SULT4A1: variants seen among roughly 807,000 people sequenced by gnomAD.
The protein encoded by SULT4A1 is sulfotransferase 4A1.
SULT4A1 carries 11 observed loss-of-function variants against 35.2 expected under a neutral mutation model. That is an observed-to-expected ratio of 0.31 (90% confidence interval 0.20 to 0.52). SULT4A1 has a LOEUF of 0.52. SULT4A1 is among the 20% of genes least tolerant of loss of function. SULT4A1 has a pLI of 0.97. For synonymous variants in SULT4A1, 152 were observed against 151.8 expected (o/e 1.00, Z -0.01); for missense variants, 271 against 383.7 (o/e 0.71, Z 2.45).
At chr22:43,826,907 A>C in intron 6 of SULT4A1, 4 of 985,430 alleles carry the variant, frequency 4.1e-6, no homozygotes, top group Non-Finnish European at 4.8e-6. Context: ...GGCAGCCACA[A>C]GGGAGGGCTG....
intron 4 of SULT4A1, among the ~76,000 whole-genome samples, chr22:43,834,297 CCCGCGCCCCCA>C (rs1266661180): frequency 6.7e-6 from 1 of 150,150 alleles, no homozygotes; most frequent in Non-Finnish European, 1.5e-5. Context: ...CCCTGTGCTT[CCCGCGCCCCCA>C]CCGCGTCCCT....
chr22:43,857,920 C>T (rs778921410), intron 1 of SULT4A1, among the ~76,000 whole-genome samples: 9 of 151,720 alleles, frequency 5.9e-5, no homozygotes, highest in Non-Finnish European at 1.2e-4. Flanking sequence ...TGTGGTGGCG[C>T]ACACCTGCAG....
At chr22:43,838,622 A>C (rs1219555625) in intron 4 of SULT4A1, among the ~76,000 whole-genome samples, 1 of 152,228 alleles carries the variant, frequency 6.6e-6, no homozygotes, top group African/African-American at 2.4e-5. Flanking sequence ...ACACCCCGAC[A>C]GTGTGGTAGA....
At chr22:43,842,081 G>T (rs188463782) in intron 1 of SULT4A1, 149 bp from the exon 2 acceptor site, 1 of 1,285,184 alleles carries the variant, frequency 7.8e-7, no homozygotes, top group Non-Finnish European at 1.0e-6. Context: ...AGCGCGCCCC[G>T]CACGGTCTCA....
chr22:43,847,912 G>T (rs111456104), intron 1 of SULT4A1, among the ~76,000 whole-genome samples: 1 of 152,210 alleles, frequency 6.6e-6, no homozygotes, highest in Non-Finnish European at 1.5e-5. Context: ...CAAAAGAAAC[G>T]TATTCTCTCA....
intron 6 of SULT4A1, chr22:43,827,064 C>A: frequency 1.0e-6 from 1 of 985,492 alleles, no homozygotes; most frequent in Non-Finnish European, 1.2e-6. Flanking sequence ...CCAATAGCAA[C>A]GGTGACCGTG....
intron 1 of SULT4A1, among the ~76,000 whole-genome samples, chr22:43,856,132 G>A (rs888155544): frequency 5.9e-5 from 9 of 152,188 alleles, no homozygotes; most frequent in African/African-American, 2.2e-4. Context: ...AGCATGCTTT[G>A]GAGAGAGCCT....
intron 6 of SULT4A1, chr22:43,827,755 C>CCACACA (rs3223292): frequency 0.16 from 53,710 of 326,610 alleles, 4,819 homozygotes; most frequent in African/African-American, 0.35. Context: ...CGCTGCTTCA[C>CCACACA]CACACACACA....
At chr22:43,849,617 C>T (rs374906375) in intron 1 of SULT4A1, among the ~76,000 whole-genome samples, 25 of 152,192 alleles carry the variant, frequency 1.6e-4, no homozygotes, top group African/African-American at 6.0e-4. Context: ...ATAACCTTCC[C>T]ACTCAGTCCC....
At chr22:43,854,046 C>T (rs1196848926) in intron 1 of SULT4A1, among the ~76,000 whole-genome samples, 6 of 152,186 alleles carry the variant, frequency 3.9e-5, no homozygotes, top group African/African-American at 1.4e-4. Context: ...CCCCAGTTTG[C>T]CCTCATGTAG....
chr22:43,847,599 G>A (rs1251448963), intron 1 of SULT4A1, among the ~76,000 whole-genome samples: 1 of 126,320 alleles, frequency 7.9e-6, no homozygotes, highest in African/African-American at 3.0e-5. Flanking sequence ...CTCTTCTCTG[G>A]CCAGCCTCCC....
At chr22:43,857,589 T>A (rs1603410278) in intron 1 of SULT4A1, among the ~76,000 whole-genome samples, 1 of 152,210 alleles carries the variant, frequency 6.6e-6, no homozygotes, top group African/African-American at 2.4e-5. Flanking sequence ...CCAAGAGGCT[T>A]AGAGGAATCC....
chr22:43,829,299 G>T (rs917788777), intron 5 of SULT4A1, 101 bp from the exon 6 acceptor site: 6 of 1,309,086 alleles, frequency 4.6e-6, no homozygotes, highest in Non-Finnish European at 6.1e-6. Context: ...TTTACACACG[G>T]CCTTCCTTAC....
chr22:43,833,562 T>G, intron 5 of SULT4A1, 78 bp downstream of exon 5: 3 of 954,624 alleles, frequency 3.1e-6, no homozygotes, highest in Non-Finnish European at 2.9e-6. Context: ...ACACGCCCAC[T>G]GTAAAGGGCT....
rs948183799 is a variant in SULT4A1, at chr22:43,862,296, G to A, written c.87C>T (p.Pro29=). Residue 29 remains proline, a synonymous_variant, in exon 1 of 7, where the codon CCC becomes CCT. Transcript: ENST00000330884. ...TCTCCTCCATCTTCCCGCGGCAGAAGGGCGGCAGCCGCACGCCATGGAACT... is the reference window on the plus strand; with the variant it reads ...TCTCCTCCATCTTCCCGCGGCAGAAAGGCGGCAGCCGCACGCCATGGAACT... ...YFEFHGVRLP[P]FCRGKMEEIA... 1.3e-6 allele frequency: 2 copies of A among 1,571,728 alleles called. No individual in the cohort carries two copies. Among genetic ancestry groups the A allele is most frequent in the Admixed American group, 3.6e-5 (2 of 56,212 alleles).
intron 4 of SULT4A1, 41 bp from the exon 5 acceptor site, chr22:43,833,775 G>T: frequency 6.6e-7 from 1 of 1,526,546 alleles, no homozygotes; most frequent in Non-Finnish European, 8.9e-7. Flanking sequence ...CGGCTGGGCA[G>T]GAGAAGCGCA....
At position 43,825,985 on chromosome 22, in the gene SULT4A1, G is replaced by A; in HGVS notation, c.*16C>T. The A allele has an allele frequency of 1.2e-6, 2 of 1,610,328 alleles. No individual in the cohort carries two copies. Among genetic ancestry groups the A allele is most frequent in the East Asian group, 2.2e-5 (1 of 44,862 alleles). On this transcript the variant is annotated 3_prime_UTR_variant, in exon 7 of 7. Coordinates refer to ENST00000330884, the MANE Select transcript of SULT4A1 (RefSeq NM_014351.4). ...CTGTCTGGGTATTGTGAGCATGCAG[G>A]TTGTTGTTTCTGTTATTATAAATAA... is the stretch of plus-strand genomic sequence containing the variant.
chr22:43,854,262 C>T (rs769405357), intron 1 of SULT4A1, among the ~76,000 whole-genome samples: 5 of 152,204 alleles, frequency 3.3e-5, no homozygotes, highest in Admixed American at 2.0e-4. Flanking sequence ...CAACAGAGAC[C>T]TTTGCATGTC....
At position 43,857,852 on chromosome 22, in the gene SULT4A1, C is replaced by T. The variant is rs972581484; in HGVS notation, c.169+4362G>A. Among the ~76,000 whole-genome samples, 6 of 151,848 alleles carry T rather than the reference C, an allele frequency of 4.0e-5. 1 individual carries two copies. Among genetic ancestry groups the T allele is most frequent in the Admixed American group, 3.9e-4 (6 of 15,250 alleles). On this transcript the variant is annotated intron_variant, in intron 1 of 6. Transcript: ENST00000330884. ...ATCATTTGAGCCCATGAGTCCAAGACCAGCCTAGGCAACATGGTGAGACCC... is the reference window on the plus strand; with the variant it reads ...ATCATTTGAGCCCATGAGTCCAAGATCAGCCTAGGCAACATGGTGAGACCC...
Sources: allele counts gnomAD v4.1 joint callset (sites outside exome capture counted in the v4.1 genomes callset), GRCh38; gene constraint gnomAD v4.1.1; transcripts MANE v1.5; gene names NCBI Gene and HGNC (gene_info 2026-07-23, HGNC 2026-07-21).